Variants in SUPT7L observed in about 807,000 individuals in gnomAD.
SUPT7L encodes SPT7 like, STAGA complex subunit gamma.
A neutral mutation model predicts 35.7 loss-of-function variants in SUPT7L; 15 were observed. That is an observed-to-expected ratio of 0.42 (90% CI 0.28 to 0.65). The LOEUF is 0.65. Ranked by LOEUF, SUPT7L falls within the 30% of genes least tolerant of loss-of-function variation. The pLI, the probability that SUPT7L is intolerant of heterozygous loss-of-function variation, is 0.23. For missense variants in SUPT7L, 434 were observed against 522.2 expected (o/e 0.83, Z 1.65); for synonymous variants, 168 against 186.2 (o/e 0.90, Z 0.79).
At chr2:27,660,591 T>C (rs1334201190) in intron 3 of SUPT7L, among the ~76,000 whole-genome samples, 3 of 152,132 alleles carry the variant, frequency 2.0e-5, no homozygotes, top group Non-Finnish European at 2.9e-5. Context: ...TTGTGTAGAC[T>C]TGCGGATTCC....
chr2:27,658,401 C>T (rs1015720784), intron 3 of SUPT7L, among the ~76,000 whole-genome samples: 1 of 152,132 alleles, frequency 6.6e-6, no homozygotes, highest in East Asian at 1.9e-4. Flanking sequence ...CTGCATAATA[C>T]ACCATTTTGC....
At chr2:27,645,839 C>G (rs1674201664), downstream of SUPT7L, among the ~76,000 whole-genome samples, 1 of 149,524 alleles carries the variant, frequency 6.7e-6, no homozygotes, top group Admixed American at 6.7e-5. Flanking sequence ...AAGCTATTCT[C>G]CTGCCTCAGC....
downstream of SUPT7L, among the ~76,000 whole-genome samples, chr2:27,649,221 G>A (rs1161504738): frequency 6.6e-6 from 1 of 151,334 alleles, no homozygotes; most frequent in African/African-American, 2.4e-5. Context: ...CTCAGGCCTC[G>A]GTAACAAGAG....
chr2:27,650,898 G>GCAAA lies in SUPT7L; in HGVS notation c.*2583_*2586dup, dbSNP rs1216390703. 5.2e-5 allele frequency: 8 copies of GCAAA among 152,690 alleles called. No homozygotes were observed. Among genetic ancestry groups the GCAAA allele is most frequent in the African/African-American group, 1.7e-4 (7 of 41,400 alleles). 9.5% of individuals were successfully genotyped at this position (152,690 alleles called of 1,614,324 possible). A position where few individuals can be genotyped will look rare whatever the true frequency, so the allele number is the denominator to read the frequency against. On this transcript the variant is annotated 3_prime_UTR_variant, in exon 6 of 6. Coordinates refer to ENST00000337768, the MANE Select transcript of SUPT7L (RefSeq NM_014860.3). ...TTTCAAATTAGAAAATTATATAATT[G>GCAAA]CAAACAGCTTCACTTCTCCTGTTCA...
At chr2:27,649,812 C>CA (rs757401529), downstream of SUPT7L, among the ~76,000 whole-genome samples, 1 of 152,150 alleles carries the variant, frequency 6.6e-6, no homozygotes, top group African/African-American at 2.4e-5. Context: ...ATGAGTAAAG[C>CA]AACTATAAAC....
chr2:27,660,833 T>C (rs2148121527), intron 3 of SUPT7L, 151 bp downstream of exon 3: 3 of 1,065,590 alleles, frequency 2.8e-6, no homozygotes, highest in Non-Finnish European at 3.9e-6. Flanking sequence ...AAAACTTAGA[T>C]ATCCCACTAA....
downstream of SUPT7L, chr2:27,650,125 A>C (rs928059381): frequency 6.3e-7 from 1 of 1,595,760 alleles, no homozygotes. Flanking sequence ...TTACAGAGGA[A>C]AGCCATGAAG....
rs772311294 is a variant in SUPT7L, at chr2:27,657,675, AGTGGAGATACG to A, written c.420-17_420-7del. ...TCACAGGTTCCCCTTTCCCACTGAA[AGTGGAGATACG>A]GTGGTGTTATTAATGTTCTTGCAAA... On this transcript the variant is annotated splice_region_variant and splice_polypyrimidine_tract_variant and intron_variant, in intron 3 of 5. Transcript: ENST00000337768. This position sits in a 1 kb window ranked among gnomAD's most constrained non-coding sequence, Gnocchi z 5.2. 3.1e-6 allele frequency: 5 copies of A among 1,609,058 alleles called. No homozygotes were observed. Among genetic ancestry groups the A allele is most frequent in the Admixed American group, 1.7e-5 (1 of 59,700 alleles).
At chr2:27,646,058 T>A (rs1234980689), downstream of SUPT7L, among the ~76,000 whole-genome samples, 1 of 152,070 alleles carries the variant, frequency 6.6e-6, no homozygotes, top group Non-Finnish European at 1.5e-5. Context: ...GTATTTATTT[T>A]TGAGGCAGAG....
Position 27,657,246 on chromosome 2 carries a change from C to A in SUPT7L, c.744+99G>T. ...ATGTTAAGTTCACTCTGTTCCAAGACTCTGTGCTCTGCACTCTAGACCAAG... is the reference window on the plus strand; with the variant it reads ...ATGTTAAGTTCACTCTGTTCCAAGAATCTGTGCTCTGCACTCTAGACCAAG... On this transcript the variant is annotated intron_variant, in intron 4 of 5. Coordinates refer to ENST00000337768, the MANE Select transcript of SUPT7L (RefSeq NM_014860.3). This position sits in a 1 kb window ranked among gnomAD's most constrained non-coding sequence, Gnocchi z 5.2. The A allele has an allele frequency of 7.6e-7, 1 of 1,314,654 alleles. No individual in the cohort carries two copies. The highest frequency in any genetic ancestry group is 1.0e-6 in the Non-Finnish European group (1 of 954,422). The allele number at this position is 1,314,654 out of a possible 1,614,324, so 81.4% of individuals were successfully genotyped here.
rs1482265203 is a variant in SUPT7L, at chr2:27,653,663, C to T, written c.1067G>A (p.Gly356Glu). Residue 356 changes from glycine to glutamate, a missense_variant, in exon 6 of 6, where the codon GGG becomes GAG. Around this residue, in one of 3 missense-constraint regions of SUPT7L, gnomAD observed 159 missense variants for 217.1 expected, o/e 0.73. Coordinates refer to ENST00000337768, the MANE Select transcript of SUPT7L (RefSeq NM_014860.3). The part of the protein sequence containing the change: ...PQESEEGNVS[G>E]HGVLGSDVFE... ...GACATCACTGCCCAGCACACCATGCCCAGAGACATTGCCTTCTTCACTTTC... is the reference window on the plus strand; with the variant it reads ...GACATCACTGCCCAGCACACCATGCTCAGAGACATTGCCTTCTTCACTTTC... 1.9e-6 allele frequency: 3 copies of T among 1,614,010 alleles called. No homozygotes were observed. The highest frequency in any genetic ancestry group is 3.3e-5 in the Admixed American group (2 of 59,992).
downstream of SUPT7L, chr2:27,650,141 G>C (rs1401319260): frequency 6.2e-7 from 1 of 1,606,714 alleles, no homozygotes; most frequent in Non-Finnish European, 8.5e-7. Context: ...TGAAGAGCCA[G>C]CATTCCAGAA....
At position 27,653,818 on chromosome 2, in the gene SUPT7L, A is replaced by G. The variant is rs1410965862; in HGVS notation, c.983-71T>C. On this transcript the variant is annotated intron_variant, in intron 5 of 5. Transcript: ENST00000337768. ...GCCAAGTGTAGAACAAAGAGTAAAT[A>G]TATCACTCAGAACCAACTAATATGC... is the stretch of plus-strand genomic sequence containing the variant. 5 of 1,579,944 alleles carry G rather than the reference A, an allele frequency of 3.2e-6. No homozygotes were observed. The South Asian group carries it at 4.6e-5, about 14-fold the overall frequency.
At chr2:27,644,384 C>T in the SUPT7L span, among the ~76,000 whole-genome samples, 1 of 152,098 alleles carries the variant, frequency 6.6e-6, no homozygotes, top group Non-Finnish European at 1.5e-5. Flanking sequence ...TTCTCCCTAT[C>T]AGTTATCCTT....
chr2:27,658,647 G>T (rs986463192), intron 3 of SUPT7L, among the ~76,000 whole-genome samples: 8 of 152,188 alleles, frequency 5.3e-5, no homozygotes, highest in Admixed American at 2.0e-4. Context: ...GTACAAAAGT[G>T]CCTGAGTGGT....
At chr2:27,647,851 T>C, downstream of SUPT7L, 1 of 1,611,306 alleles carries the variant, frequency 6.2e-7, no homozygotes, top group South Asian at 1.1e-5. Context: ...TTATCTCCTG[T>C]GCTGCACCCT....
At chr2:27,663,278 AT>A (rs1236300292) in intron 1 of SUPT7L, 50 bp downstream of exon 1, 5 of 164,154 alleles carry the variant, frequency 3.0e-5, no homozygotes, top group African/African-American at 9.6e-5. Flanking sequence ...CAGAAAAAAA[AT>A]AAATGAATGA....
chr2:27,657,721 C>A lies in SUPT7L; in HGVS notation c.420-52G>T. 1 of 1,508,870 alleles carries A rather than the reference C, an allele frequency of 6.6e-7. No homozygotes were observed. Among genetic ancestry groups the A allele is most frequent in the East Asian group, 2.3e-5 (1 of 42,954 alleles). 93.5% of individuals were successfully genotyped at this position (1,508,870 alleles called of 1,614,324 possible). On this transcript the variant is annotated intron_variant, in intron 3 of 5. Coordinates refer to ENST00000337768, the MANE Select transcript of SUPT7L (RefSeq NM_014860.3). This position sits in a 1 kb window ranked among gnomAD's most constrained non-coding sequence, Gnocchi z 5.2. Reference sequence around the variant, plus strand: ...TTAATGTTCTTGCAAAGGGGTGACCCCTCCTGTCTTCCCCAGGAGTTTTAC... The same window carrying A: ...TTAATGTTCTTGCAAAGGGGTGACCACTCCTGTCTTCCCCAGGAGTTTTAC...
intron 4 of SUPT7L, among the ~76,000 whole-genome samples, chr2:27,656,642 T>C (rs1674816419): frequency 6.6e-6 from 1 of 151,940 alleles, no homozygotes; most frequent in African/African-American, 2.4e-5. Context: ...GTTCTCTTTT[T>C]TTTTTTTTCA....
Sources: allele counts gnomAD v4.1 joint callset (sites outside exome capture counted in the v4.1 genomes callset), GRCh38; gene constraint gnomAD v4.1.1; regional missense constraint gnomAD v4.1.1; non-coding constraint Gnocchi (gnomAD v3.1); transcripts MANE v1.5; gene names NCBI Gene and HGNC (gene_info 2026-07-23, HGNC 2026-07-21).